TRHDE: variants seen among roughly 807,000 people sequenced by gnomAD.
TRHDE encodes the protein thyrotropin-releasing hormone-degrading ectoenzyme.
TRHDE carries 72 observed loss-of-function variants against 125.7 expected under a neutral mutation model. The ratio of observed to expected loss-of-function variants is 0.57; its 90% CI spans 0.47 to 0.70. TRHDE has a LOEUF of 0.70. Ranked by LOEUF, TRHDE falls within the 30% of genes least tolerant of loss-of-function variation. The pLI is 0.00. For synonymous variants in TRHDE, 509 were observed against 509.1 expected (o/e 1.00, Z 0.00); for missense variants, 1,110 against 1,327.1 (o/e 0.84, Z 2.54).
At chr12:72,447,381 A>G (rs1039485332) in intron 3 of TRHDE, among the ~76,000 whole-genome samples, 1 of 152,168 alleles carries the variant, frequency 6.6e-6, no homozygotes, top group African/African-American at 2.4e-5. Context: ...GTAGAGGGAA[A>G]TTTATAGCAC....
At chr12:72,617,312 TAAAAG>T (rs1459098639) in intron 12 of TRHDE, among the ~76,000 whole-genome samples, 11 of 152,212 alleles carry the variant, frequency 7.2e-5, no homozygotes, top group Admixed American at 4.6e-4. Flanking sequence ...TTGTTTTAAT[TAAAAG>T]AAAACTGCAG....
intron 2 of TRHDE, among the ~76,000 whole-genome samples, chr12:72,185,234 C>T (rs1231138117): frequency 6.6e-6 from 1 of 152,206 alleles, no homozygotes; most frequent in African/African-American, 2.4e-5. Context: ...CAGTGCCGGC[C>T]CACCGGGGCT....
At chr12:72,385,119 C>T (rs764852585) in intron 3 of TRHDE, among the ~76,000 whole-genome samples, 15 of 151,960 alleles carry the variant, frequency 9.9e-5, no homozygotes, top group South Asian at 2.1e-4. Context: ...TGTTACTGGC[C>T]TAAAGTAATA....
At chr12:72,342,725 C>T (rs2135731744) in intron 2 of TRHDE, among the ~76,000 whole-genome samples, 1 of 152,144 alleles carries the variant, frequency 6.6e-6, no homozygotes, top group Middle Eastern at 3.4e-3. Context: ...GGAATTAGAA[C>T]ACATTCATTG....
intron 2 of TRHDE, among the ~76,000 whole-genome samples, chr12:72,250,764 A>G (rs1468399146): frequency 6.7e-6 from 1 of 150,010 alleles, no homozygotes; most frequent in Non-Finnish European, 1.5e-5. Context: ...CTAATGTTAA[A>G]GCTAATAGTG....
At chr12:72,640,225 C>T (rs11610020) in intron 15 of TRHDE, among the ~76,000 whole-genome samples, 51,951 of 152,162 alleles carry the variant, frequency 0.34, 13,291 homozygotes, top group African/African-American at 0.71. Context: ...TTTTTAAGCC[C>T]GTCGGAAAAG....
At chr12:72,271,388 A>G (rs1879203477), upstream of TRHDE, among the ~76,000 whole-genome samples, 1 of 152,060 alleles carries the variant, frequency 6.6e-6, no homozygotes, top group East Asian at 1.9e-4. Flanking sequence ...TCTCTATGTT[A>G]ATAGCCAAAG....
chr12:72,338,754 G>A (rs1174435789), intron 2 of TRHDE, among the ~76,000 whole-genome samples: 2 of 152,190 alleles, frequency 1.3e-5, no homozygotes, highest in Non-Finnish European at 2.9e-5. Flanking sequence ...AAGTCCACGG[G>A]GAAGACATAT....
At chr12:72,347,451 G>A (rs55922604) in intron 2 of TRHDE, among the ~76,000 whole-genome samples, 6,715 of 152,176 alleles carry the variant, frequency 0.044, 506 homozygotes, top group African/African-American at 0.15. Context: ...CAGCATTTAT[G>A]ATCTCACAGT....
intron 1 of TRHDE, among the ~76,000 whole-genome samples, chr12:72,103,660 A>G (rs999426726): frequency 2.6e-5 from 4 of 152,120 alleles, no homozygotes; most frequent in Admixed American, 2.6e-4. Flanking sequence ...CTTCCCCATT[A>G]CAGTATAAGT....
chr12:72,510,275 C>G (rs1216424595), intron 6 of TRHDE, among the ~76,000 whole-genome samples: 1 of 152,080 alleles, frequency 6.6e-6, no homozygotes, highest in East Asian at 1.9e-4. Flanking sequence ...TTGTGATACT[C>G]TTTAGATATT....
chr12:72,152,225 G>A (rs1012133321), intron 2 of TRHDE, among the ~76,000 whole-genome samples: 37 of 151,250 alleles, frequency 2.4e-4, no homozygotes, highest in Middle Eastern at 3.4e-3. Flanking sequence ...AAGAATGCTT[G>A]TGATTTTTGT....
At chr12:72,143,322 A>T (rs1237947414) in intron 2 of TRHDE, among the ~76,000 whole-genome samples, 1 of 152,146 alleles carries the variant, frequency 6.6e-6, no homozygotes, top group African/African-American at 2.4e-5. Flanking sequence ...ACTTTTGGAG[A>T]AAGTGAAGCT....
chr12:72,243,558 TTTAG>T (rs141240076), intron 2 of TRHDE, among the ~76,000 whole-genome samples: 1,763 of 152,316 alleles, frequency 0.012, 41 homozygotes, highest in African/African-American at 0.04. Flanking sequence ...CAAATATTGG[TTTAG>T]TAATTATGCC....
At chr12:72,305,298 T>G (rs1592532060) in intron 2 of TRHDE, among the ~76,000 whole-genome samples, 1 of 152,188 alleles carries the variant, frequency 6.6e-6, no homozygotes, top group African/African-American at 2.4e-5. Flanking sequence ...GTTAAATCAT[T>G]TCAACAAATT....
chr12:72,549,840 T>C (rs1869592377), intron 7 of TRHDE, among the ~76,000 whole-genome samples: 1 of 151,866 alleles, frequency 6.6e-6, no homozygotes, highest in Non-Finnish European at 1.5e-5. Context: ...GAAATAACTT[T>C]TATTCATCAA....
At position 72,664,463 on chromosome 12, in the gene TRHDE, A is replaced by G. The variant is rs1023976965; in HGVS notation, c.*1268A>G. On this transcript the variant is annotated 3_prime_UTR_variant, in exon 19 of 19. Coordinates refer to ENST00000261180, the MANE Select transcript of TRHDE (RefSeq NM_013381.3). ...TTCCTTTTCTTGTGTTAATGTACAAAGCTTTTCTTTTGGCACTGACAACTG... is the reference window on the plus strand; with the variant it reads ...TTCCTTTTCTTGTGTTAATGTACAAGGCTTTTCTTTTGGCACTGACAACTG... 1 of 152,508 alleles carries G rather than the reference A, an allele frequency of 6.6e-6. No homozygotes were observed. The highest frequency in any genetic ancestry group is 1.5e-5 in the Non-Finnish European group (1 of 68,002). 9.4% of individuals were successfully genotyped at this position (152,508 alleles called of 1,614,324 possible). A position where few individuals can be genotyped will look rare whatever the true frequency, so the allele number is the denominator to read the frequency against.
At chr12:72,592,708 C>CTTTTTTTTTT (rs35446767) in intron 12 of TRHDE, among the ~76,000 whole-genome samples, 2 of 144,588 alleles carry the variant, frequency 1.4e-5, no homozygotes, top group African/African-American at 2.5e-5. Flanking sequence ...TCTTTTCTTT[C>CTTTTTTTTTT]TTTTTTTTTT....
At chr12:72,150,456 G>A (rs1467735669) in intron 2 of TRHDE, among the ~76,000 whole-genome samples, 1 of 150,438 alleles carries the variant, frequency 6.6e-6, no homozygotes, top group Non-Finnish European at 1.5e-5. Context: ...GTGCAGGTTA[G>A]TTATATATGT....
Sources: allele counts gnomAD v4.1 joint callset (sites outside exome capture counted in the v4.1 genomes callset), GRCh38; gene constraint gnomAD v4.1.1; transcripts MANE v1.5; gene names NCBI Gene and HGNC (gene_info 2026-07-23, HGNC 2026-07-21).